HACE1: variants seen among roughly 807,000 people sequenced by gnomAD.
The protein encoded by HACE1 is HECT domain and ankyrin repeat containing E3 ubiquitin protein ligase 1.
In HACE1, 73 loss-of-function variants were observed where a neutral mutation model predicts 118.4. That is an observed-to-expected ratio of 0.62 (90% CI 0.51 to 0.75). The LOEUF (loss-of-function observed/expected upper bound fraction) is 0.75. Ranked by LOEUF, HACE1 falls within the 30% of genes least tolerant of loss-of-function variation. The probability of loss-of-function intolerance (pLI) is 0.00; values close to 1 mark genes in which losing one functional copy is unlikely to be tolerated. For missense variants in HACE1, 749 were observed against 1,102.2 expected (o/e 0.68, Z 4.54); for synonymous variants, 368 against 374.8 (o/e 0.98, Z 0.21).
chr6:104,784,627 A>G, intron 12 of HACE1, 142 bp from the exon 13 acceptor site: 1 of 638,122 alleles, frequency 1.6e-6, no homozygotes, highest in Non-Finnish European at 2.7e-6. Context: ...TTGTAAGTTT[A>G]GGAAACTGAA....
rs548096719 is a variant in HACE1 at position 104,805,928 on chromosome 6, T to G, written c.617+5383A>C. On this transcript the variant is annotated intron_variant, in intron 7 of 23. Transcript: ENST00000262903. ...ATCATACACAGGAGGATATGTGCTA[T>G]GAGAACAATGGACTGGGGATCAGAC... 3.3e-5 allele frequency among the ~76,000 whole-genome samples: 5 copies of G among 152,216 alleles called. No homozygotes were observed. In the East Asian group the frequency reaches 9.6e-4, roughly 29 times the overall value.
chr6:104,759,469 A>C (rs536451900), intron 19 of HACE1, among the ~76,000 whole-genome samples: 2 of 152,358 alleles, frequency 1.3e-5, no homozygotes, highest in South Asian at 4.1e-4. Context: ...TAACGAAAGT[A>C]AGTCAGAAAT....
intron 4 of HACE1, among the ~76,000 whole-genome samples, chr6:104,843,576 G>C (rs919160228): frequency 6.6e-6 from 1 of 152,126 alleles, no homozygotes; most frequent in Admixed American, 6.5e-5. Context: ...GAAGTTTCTA[G>C]TATTGACTAA....
At chr6:104,838,097 T>G (rs1774725782) in intron 5 of HACE1, among the ~76,000 whole-genome samples, 1 of 152,148 alleles carries the variant, frequency 6.6e-6, no homozygotes, top group African/African-American at 2.4e-5. Flanking sequence ...TCCTAAGGGT[T>G]GGAAGAATCA....
rs372928901 is a variant in HACE1, at chr6:104,790,106, G to GCA, written c.1074+1396_1074+1397dup. On this transcript the variant is annotated intron_variant, in intron 11 of 23. Transcript: ENST00000262903. ...GAAAACAAAAATACACACTCAACGT[G>GCA]CACACACACACATACATATATGGCT... Among the ~76,000 whole-genome samples, 756 of 150,796 alleles carry GCA rather than the reference G, an allele frequency of 5.0e-3. 6 individuals are homozygous for GCA. The highest frequency in any genetic ancestry group is 0.024 in the Middle Eastern group (7 of 288).
At chr6:104,794,552 C>A (rs1225594701) in intron 10 of HACE1, among the ~76,000 whole-genome samples, 1 of 152,176 alleles carries the variant, frequency 6.6e-6, no homozygotes, top group Non-Finnish European at 1.5e-5. Context: ...ACATAGAGAT[C>A]TTGTCTGTTT....
intron 10 of HACE1, among the ~76,000 whole-genome samples, chr6:104,793,091 C>A (rs780915268): frequency 6.6e-6 from 1 of 151,826 alleles, no homozygotes; most frequent in Non-Finnish European, 1.5e-5. Context: ...CACAGTGAAA[C>A]CCCGTCTCTA....
chr6:104,857,914 G>A (rs1056259383), intron 1 of HACE1, among the ~76,000 whole-genome samples: 6 of 146,332 alleles, frequency 4.1e-5, no homozygotes, highest in African/African-American at 5.1e-5. Flanking sequence ...TCGAGATGGC[G>A]CCACTGCACT....
intron 7 of HACE1, among the ~76,000 whole-genome samples, chr6:104,801,211 G>A (rs896183322): frequency 6.6e-6 from 1 of 152,174 alleles, no homozygotes; most frequent in Non-Finnish European, 1.5e-5. Context: ...AGAAATATGG[G>A]ACTATGTGAA....
At chr6:104,826,260 A>G (rs1322069932) in intron 6 of HACE1, among the ~76,000 whole-genome samples, 1 of 152,234 alleles carries the variant, frequency 6.6e-6, no homozygotes, top group East Asian at 1.9e-4. Context: ...ATTATGTGCT[A>G]TGCACGACTC....
At position 104,851,008 on chromosome 6, in the gene HACE1, T is replaced by C. The variant is rs756004805; in HGVS notation, c.132-12A>G. Reference sequence around the variant, plus strand: ...GTTCAGAAACAGACCTATGCCAAAATAAAAATGAGGAATCAAGTGTAAAAA... The same window carrying C: ...GTTCAGAAACAGACCTATGCCAAAACAAAAATGAGGAATCAAGTGTAAAAA... On this transcript the variant is annotated splice_polypyrimidine_tract_variant and intron_variant, in intron 2 of 23. Coordinates refer to ENST00000262903, the MANE Select transcript of HACE1 (RefSeq NM_020771.4). The C allele has an allele frequency of 1.4e-5, 21 of 1,483,478 alleles. No individual in the cohort carries two copies. The highest frequency in any genetic ancestry group is 1.9e-5 in the Non-Finnish European group (20 of 1,060,482). The allele number at this position is 1,483,478 out of a possible 1,614,324, so 91.9% of individuals were successfully genotyped here. A position where few individuals can be genotyped will look rare whatever the true frequency, so the allele number is the denominator to read the frequency against.
Position 104,785,284 on chromosome 6 carries a change from C to A in HACE1, c.1110G>T (p.Trp370Cys). The change falls in exon 12 of 24, where the codon TGG (tryptophan) becomes TGT (cysteine). Residue 370 changes from tryptophan (W) to cysteine (C), a missense_variant. By Grantham distance (215) the Trp-to-Cys change is radical. Transcript: ENST00000262903. ...TCAATTCTGTGGCTATTAAAACTAG[C>A]CATTCATCTAACGAGTGCCAAAGCA... ...LELLWHSLDEWLVLIATELMK... is the reference protein window; with the variant it reads ...LELLWHSLDECLVLIATELMK... 6.2e-7 allele frequency: 1 copy of A among 1,610,868 alleles called. No homozygotes were observed. Among genetic ancestry groups the A allele is most frequent in the Non-Finnish European group, 8.5e-7 (1 of 1,177,558 alleles).
chr6:104,821,692 T>C (rs1772733898), intron 6 of HACE1, among the ~76,000 whole-genome samples: 1 of 152,198 alleles, frequency 6.6e-6, no homozygotes, highest in Admixed American at 6.5e-5. Flanking sequence ...TAAGTAAACA[T>C]TGAAGCAGGG....
chr6:104,744,546 G>A lies in HACE1; in HGVS notation c.2408C>T (p.Thr803Ile). 1 of 1,600,874 alleles carries A rather than the reference G, an allele frequency of 6.2e-7. No individual in the cohort carries two copies. The highest frequency in any genetic ancestry group is 8.6e-7 in the Non-Finnish European group (1 of 1,168,052). ...TGGATCTTCTCTTTCATAGCCACTT[G>A]TGTATTCTGTATTTTTTATCCAATC... ...VSDWIKNTEYTSGYEREDPVI... is the reference protein window; with the variant it reads ...VSDWIKNTEYISGYEREDPVI... The change falls in exon 21 of 24, where the codon ACA (threonine) becomes ATA (isoleucine). Residue 803 changes from threonine (T) to isoleucine (I), a missense_variant. Physicochemically the swap from Thr to Ile is moderately conservative, Grantham distance 89. Around this residue, in one of 5 missense-constraint regions of HACE1, gnomAD observed 165 missense variants for 229.9 expected, o/e 0.72. Transcript: ENST00000262903.
chr6:104,843,871 CT>C (rs879775701), intron 4 of HACE1, among the ~76,000 whole-genome samples: 264 of 142,314 alleles, frequency 1.9e-3, no homozygotes, highest in Non-Finnish European at 1.9e-3. Context: ...GCCATCATAA[CT>C]TTTTTTTTTT....
At chr6:104,759,539 C>T (rs1779097629) in intron 19 of HACE1, among the ~76,000 whole-genome samples, 2 of 152,148 alleles carry the variant, frequency 1.3e-5, no homozygotes, top group African/African-American at 4.8e-5. Flanking sequence ...CTCTGGGACA[C>T]ATTTAAAGCA....
At chr6:104,754,161 C>A (rs1173811541) in intron 19 of HACE1, among the ~76,000 whole-genome samples, 1 of 142,428 alleles carries the variant, frequency 7.0e-6, no homozygotes, top group Non-Finnish European at 1.5e-5. Context: ...AACCTCAGAG[C>A]TTGAAGACTG....
intron 1 of HACE1, among the ~76,000 whole-genome samples, chr6:104,855,239 T>C (rs1776604039): frequency 6.6e-6 from 1 of 151,990 alleles, no homozygotes; most frequent in Admixed American, 6.6e-5. Flanking sequence ...GGTCAGGAGA[T>C]CAAGACCATC....
intron 19 of HACE1, among the ~76,000 whole-genome samples, chr6:104,752,567 G>A (rs1778177178): frequency 6.6e-6 from 1 of 151,964 alleles, no homozygotes; most frequent in African/African-American, 2.4e-5. Flanking sequence ...ATCTTAAAGT[G>A]TGACTCAATA....
Sources: gnomAD v4.1 joint callset for allele counts (sites outside exome capture counted in the v4.1 genomes callset) on GRCh38, gnomAD v4.1.1 for gene constraint, gnomAD v4.1.1 regional missense constraint, MANE v1.5 for transcripts, NCBI Gene and HGNC (gene_info 2026-07-23, HGNC 2026-07-21) for gene names.